The following SMYD1 variants were observed in gnomAD, a reference collection of about 807,000 sequenced individuals.
SMYD1 encodes the protein histone-lysine N-methyltransferase SMYD1.
Under a neutral mutation model 54.0 loss-of-function variants are expected in SMYD1, and 49 were observed. The observed-to-expected ratio is 0.91, with a 90% confidence interval of 0.72 to 1.15. The LOEUF (loss-of-function observed/expected upper bound fraction) is 1.15, where lower values mean the gene tolerates loss of function less well. SMYD1 is among the 50% of genes most tolerant of loss of function. The probability of loss-of-function intolerance (pLI) is 0.00; values close to 1 mark genes in which losing one functional copy is unlikely to be tolerated. For missense variants in SMYD1, 653 were observed against 639.6 expected, an observed-to-expected ratio of 1.02 and a Z score of -0.23; for synonymous variants, 269 against 234.2, an observed-to-expected ratio of 1.15 and a Z score of -1.36.
intron 5 of SMYD1, 45 bp from the exon 6 acceptor site, chr2:88,096,550 A>C: frequency 6.5e-7 from 1 of 1,530,228 alleles, no homozygotes; most frequent in Non-Finnish European, 8.9e-7. Flanking sequence ...ATCCCATTCC[A>C]GTAGGCCTGG....
chr2:88,072,939 C>A (rs4972171), intron 1 of SMYD1, among the ~76,000 whole-genome samples: 1 of 152,098 alleles, frequency 6.6e-6, no homozygotes, highest in African/African-American at 2.4e-5. Context: ...TTTGGGGGTA[C>A]ATGTGCAGGT....
intron 7 of SMYD1, among the ~76,000 whole-genome samples, chr2:88,105,191 G>A (rs1330645279): frequency 2.0e-5 from 3 of 152,134 alleles, no homozygotes; most frequent in African/African-American, 4.8e-5. Flanking sequence ...GTGAAGCTGC[G>A]GCTCAACTGC....
At chr2:88,087,365 C>T (rs964068103) in intron 2 of SMYD1, among the ~76,000 whole-genome samples, 2 of 152,258 alleles carry the variant, frequency 1.3e-5, no homozygotes, top group Admixed American at 1.3e-4. Flanking sequence ...CCCCACGGAA[C>T]CTGGCTCCTG....
In SMYD1 at chr2:88,091,061, T is replaced by TG; in HGVS notation, c.581dup (p.Val195ArgfsTer13). On this transcript the variant is annotated frameshift_variant, in exon 4 of 10. Coordinates refer to ENST00000419482, the MANE Select transcript of SMYD1 (RefSeq NM_198274.4). LOFTEE classifies it high-confidence loss of function. ...AGTGATCAGAGAGGCCTGCAGGCCG[T>TG]GGGCGTAGGCATCTTCCCCAACCTG... 6.2e-7 allele frequency: 1 copy of TG among 1,614,158 alleles called. No individual in the cohort carries two copies. The highest frequency in any genetic ancestry group is 8.5e-7 in the Non-Finnish European group (1 of 1,180,008).
intron 1 of SMYD1, among the ~76,000 whole-genome samples, chr2:88,077,891 T>G (rs1674105684): frequency 6.6e-6 from 1 of 151,948 alleles, no homozygotes; most frequent in Admixed American, 6.6e-5. Context: ...GCCTGGCTAA[T>G]TTTTTGTATT....
At chr2:88,073,371 A>G (rs1673991117) in intron 1 of SMYD1, among the ~76,000 whole-genome samples, 1 of 152,194 alleles carries the variant, frequency 6.6e-6, no homozygotes, top group South Asian at 2.1e-4. Flanking sequence ...TGATAAACAT[A>G]TGAGTGCAGG....
chr2:88,078,938 C>G (rs1194623532), intron 1 of SMYD1, among the ~76,000 whole-genome samples: 2 of 152,258 alleles, frequency 1.3e-5, no homozygotes, highest in Admixed American at 6.5e-5. Flanking sequence ...AAACTTGGCT[C>G]TAGGCCCTAG....
intron 1 of SMYD1, among the ~76,000 whole-genome samples, chr2:88,079,173 T>A (rs1206472547): frequency 6.6e-6 from 1 of 152,234 alleles, no homozygotes; most frequent in African/African-American, 2.4e-5. Flanking sequence ...GTTCTCCCTG[T>A]CACCCAATCT....
At chr2:88,083,462 C>G (rs937927222) in intron 1 of SMYD1, among the ~76,000 whole-genome samples, 1 of 152,096 alleles carries the variant, frequency 6.6e-6, no homozygotes, top group African/African-American at 2.4e-5. Flanking sequence ...ACCTCTCTCC[C>G]TCACCCATCG....
chr2:88,075,110 G>A (rs1674029694), intron 1 of SMYD1, among the ~76,000 whole-genome samples: 1 of 152,232 alleles, frequency 6.6e-6, no homozygotes, highest in African/African-American at 2.4e-5. Flanking sequence ...TTAAATGTTT[G>A]CATTGGATGT....
chr2:88,106,256 G>T, intron 7 of SMYD1, 69 bp from the exon 8 acceptor site: 1 of 1,566,676 alleles, frequency 6.4e-7, no homozygotes, highest in Admixed American at 1.7e-5. Flanking sequence ...TCACCATGAT[G>T]GTCGCGTATG....
At chr2:88,094,317 TC>T (rs1226217919) in intron 5 of SMYD1, among the ~76,000 whole-genome samples, 2 of 152,200 alleles carry the variant, frequency 1.3e-5, no homozygotes, top group African/African-American at 2.4e-5. Context: ...CTAGGGACCT[TC>T]CTAGTTCTAA....
At chr2:88,106,995 T>G (rs1015471617) in intron 8 of SMYD1, among the ~76,000 whole-genome samples, 1 of 152,020 alleles carries the variant, frequency 6.6e-6, no homozygotes, top group Non-Finnish European at 1.5e-5. Flanking sequence ...GGTGGGGAGA[T>G]AGAGACCATC....
chr2:88,079,913 T>C (rs955808740), intron 1 of SMYD1, among the ~76,000 whole-genome samples: 4 of 152,228 alleles, frequency 2.6e-5, no homozygotes, highest in African/African-American at 9.6e-5. Context: ...AAAATACTTC[T>C]CCTCACCCCA....
At chr2:88,099,728 A>C (rs571303471) in intron 6 of SMYD1, among the ~76,000 whole-genome samples, 1 of 151,980 alleles carries the variant, frequency 6.6e-6, no homozygotes, top group Admixed American at 6.5e-5. Flanking sequence ...ATCTCAAAAA[A>C]AAAAAGAAGA....
intron 1 of SMYD1, among the ~76,000 whole-genome samples, chr2:88,069,145 A>G (rs527794161): frequency 1.3e-5 from 2 of 152,294 alleles, no homozygotes; most frequent in South Asian, 4.1e-4. Flanking sequence ...ATTACATTAA[A>G]TTGTCAATAT....
At chr2:88,095,704 AC>A (rs1169355517) in intron 5 of SMYD1, among the ~76,000 whole-genome samples, 1 of 152,024 alleles carries the variant, frequency 6.6e-6, no homozygotes, top group Non-Finnish European at 1.5e-5. Context: ...ATGGTTTAGG[AC>A]CCAGCTTGCA....
chr2:88,087,741 T>C, intron 2 of SMYD1, 121 bp from the exon 3 acceptor site: 1 of 832,390 alleles, frequency 1.2e-6, no homozygotes, highest in Admixed American at 3.0e-5. Flanking sequence ...ATTCCATCCA[T>C]CTAGTTTAAA....
At chr2:88,101,165 AG>A (rs1363161892) in intron 6 of SMYD1, among the ~76,000 whole-genome samples, 1 of 152,236 alleles carries the variant, frequency 6.6e-6, no homozygotes, top group African/African-American at 2.4e-5. Flanking sequence ...TGGTCTACAG[AG>A]GGGGATACAT....
Sources: allele counts gnomAD v4.1 joint callset (sites outside exome capture counted in the v4.1 genomes callset), GRCh38; gene constraint gnomAD v4.1.1; transcripts MANE v1.5; gene names NCBI Gene and HGNC (gene_info 2026-07-23, HGNC 2026-07-21).